Variants in CNTN4 observed in about 807,000 individuals in gnomAD.
CNTN4 encodes contactin-4.
In CNTN4, 77 loss-of-function variants were observed where a neutral mutation model predicts 122.5. That is an observed-to-expected ratio of 0.63 (90% CI 0.52 to 0.76). The LOEUF is 0.76. Among genes scored for constraint, CNTN4 ranks in the 30% least tolerant of loss-of-function variants. The pLI is 0.00. For missense variants in CNTN4, 1,256 were observed against 1,259.1 expected (o/e 1.00, Z 0.04); for synonymous variants, 512 against 447.0 (o/e 1.15, Z -1.83).
chr3:2,430,289 G>C (rs1327156141), intron 3 of CNTN4, among the ~76,000 whole-genome samples: 1 of 151,936 alleles, frequency 6.6e-6, no homozygotes, highest in Non-Finnish European at 1.5e-5. Context: ...GGGCGTGGTG[G>C]CGGGCGCCTG....
chr3:2,281,730 A>G (rs185121722), intron 2 of CNTN4, among the ~76,000 whole-genome samples: 1 of 152,052 alleles, frequency 6.6e-6, no homozygotes, highest in Non-Finnish European at 1.5e-5. Context: ...TTTTCTTCTT[A>G]CCTTTTTGTT....
chr3:2,659,857 C>A (rs184412984), intron 4 of CNTN4, among the ~76,000 whole-genome samples: 188 of 152,170 alleles, frequency 1.2e-3, no homozygotes, highest in Middle Eastern at 3.4e-3. Context: ...CATTTTAAAC[C>A]CAATAACATG....
chr3:3,012,545 G>A (rs1697337947), intron 14 of CNTN4, among the ~76,000 whole-genome samples: 1 of 151,888 alleles, frequency 6.6e-6, no homozygotes, highest in African/African-American at 2.4e-5. Flanking sequence ...TGTCTCCTGG[G>A]TTCATGCAGT....
chr3:2,666,022 C>T (rs913290705), intron 4 of CNTN4, among the ~76,000 whole-genome samples: 39 of 152,080 alleles, frequency 2.6e-4, no homozygotes, highest in African/African-American at 9.2e-4. Flanking sequence ...TATGAATGGG[C>T]GAAGATATCT....
rs142121065 is a variant in CNTN4 at position 2,913,623 on chromosome 3, A to C, written c.1207+10618A>C. Among the ~76,000 whole-genome samples the C allele has an allele frequency of 1.6e-3, 245 of 152,358 alleles. 2 individuals are homozygous for C. The highest frequency in any genetic ancestry group is 5.7e-3 in the African/African-American group (239 of 41,584). On this transcript the variant is annotated intron_variant, in intron 12 of 24. Coordinates refer to ENST00000418658, the MANE Select transcript of CNTN4 (RefSeq NM_175607.3). ...TTCATCACAAAGATGTAACTGTTAG[A>C]AATCTGTATGCACCTAATATTAGAA...
chr3:2,718,550 T>C (rs2087644463), intron 4 of CNTN4, among the ~76,000 whole-genome samples: 2 of 152,208 alleles, frequency 1.3e-5, no homozygotes, highest in South Asian at 2.1e-4. Flanking sequence ...GTTGGTTATA[T>C]TTCACTTAAT....
chr3:2,457,604 A>G (rs1182862575), intron 3 of CNTN4, among the ~76,000 whole-genome samples: 1 of 152,156 alleles, frequency 6.6e-6, no homozygotes, highest in African/African-American at 2.4e-5. Context: ...TATGTCCTCA[A>G]TCAGCTCATT....
intron 2 of CNTN4, among the ~76,000 whole-genome samples, chr3:2,192,084 A>G (rs1299242354): frequency 1.3e-5 from 2 of 151,872 alleles, no homozygotes; most frequent in East Asian, 3.9e-4. Context: ...GCTGCATAGT[A>G]TTCCATGGTG....
At chr3:2,294,548 T>C (rs868666684) in intron 2 of CNTN4, among the ~76,000 whole-genome samples, 2 of 152,268 alleles carry the variant, frequency 1.3e-5, no homozygotes, top group Admixed American at 6.5e-5. Context: ...GGAGGATCGC[T>C]TGAGCCTGGG....
At chr3:3,001,205 A>T (rs1696005172) in intron 14 of CNTN4, among the ~76,000 whole-genome samples, 1 of 152,150 alleles carries the variant, frequency 6.6e-6, no homozygotes, top group South Asian at 2.1e-4. Flanking sequence ...GCTTCCTAAC[A>T]CTGAACTCCA....
At chr3:3,031,585 A>ACC (rs11428184) in intron 16 of CNTN4, among the ~76,000 whole-genome samples, 1,700 of 151,584 alleles carry the variant, frequency 0.011, 19 homozygotes, top group African/African-American at 0.027. Flanking sequence ...AAGAGCTATG[A>ACC]CCCCCCCGGC....
At chr3:2,505,046 C>T (rs2076696928) in intron 3 of CNTN4, among the ~76,000 whole-genome samples, 1 of 152,088 alleles carries the variant, frequency 6.6e-6, no homozygotes, top group South Asian at 2.1e-4. Flanking sequence ...TGAGTATAGA[C>T]CATGTGGTAA....
chr3:2,554,086 C>A (rs559690621), intron 3 of CNTN4, among the ~76,000 whole-genome samples: 1 of 152,212 alleles, frequency 6.6e-6, no homozygotes, highest in South Asian at 2.1e-4. Context: ...AGCTTTACTC[C>A]TGTCTGGCCA....
chr3:2,414,948 C>T (rs974927912), intron 3 of CNTN4, among the ~76,000 whole-genome samples: 3 of 152,130 alleles, frequency 2.0e-5, no homozygotes, highest in Non-Finnish European at 4.4e-5. Context: ...GAGTGAGCCT[C>T]GTTGCAAAAC....
At chr3:3,043,342 G>A (rs1700335710) in intron 22 of CNTN4, among the ~76,000 whole-genome samples, 179 bp downstream of exon 22, 1 of 152,150 alleles carries the variant, frequency 6.6e-6, no homozygotes, top group African/African-American at 2.4e-5. Flanking sequence ...TGCTGTGGAG[G>A]ACAGAAAGAT....
At chr3:2,877,156 A>G (rs899007155) in intron 8 of CNTN4, among the ~76,000 whole-genome samples, 2 of 152,204 alleles carry the variant, frequency 1.3e-5, no homozygotes, top group African/African-American at 4.8e-5. Context: ...CATGTGCCCC[A>G]TTACTAAGCC....
intron 6 of CNTN4, among the ~76,000 whole-genome samples, chr3:2,757,234 G>A (rs2090378527): frequency 6.6e-6 from 1 of 152,054 alleles, no homozygotes; most frequent in African/African-American, 2.4e-5. Context: ...AAATTCAAAG[G>A]GTAACCTTTC....
chr3:2,353,079 G>A (rs2044706177), intron 3 of CNTN4, among the ~76,000 whole-genome samples: 1 of 152,100 alleles, frequency 6.6e-6, no homozygotes, highest in Non-Finnish European at 1.5e-5. Context: ...CTAATCTATG[G>A]GGACTGGGAG....
intron 3 of CNTN4, among the ~76,000 whole-genome samples, chr3:2,468,218 AATAAC>A (rs139177297): frequency 1.3e-3 from 201 of 152,334 alleles, no homozygotes; most frequent in African/African-American, 4.5e-3. Context: ...AGAATAAAGA[AATAAC>A]AAACAATTTT....
Sources: gnomAD v4.1 joint callset for allele counts (sites outside exome capture counted in the v4.1 genomes callset) on GRCh38, gnomAD v4.1.1 for gene constraint, MANE v1.5 for transcripts, NCBI Gene and HGNC (gene_info 2026-07-23, HGNC 2026-07-21) for gene names.